Variants in GLI2 observed in about 807,000 individuals in gnomAD.
GLI2 encodes transcription activator GLI2.
A neutral mutation model predicts 78.9 loss-of-function variants in GLI2; 22 were observed. The observed-to-expected ratio is 0.28, with a 90% CI of 0.20 to 0.40. GLI2 has a LOEUF of 0.40. Among genes scored for constraint, GLI2 ranks in the 10% least tolerant of loss-of-function variants. The pLI is 1.00. For missense variants in GLI2, 2,097 were observed against 2,213.2 expected (o/e 0.95, Z 1.05); for synonymous variants, 974 against 963.7 (o/e 1.01, Z -0.20).
At chr2:120,882,394 G>A (rs1017089575) in intron 2 of GLI2, among the ~76,000 whole-genome samples, 9 of 152,234 alleles carry the variant, frequency 5.9e-5, no homozygotes, top group Non-Finnish European at 1.0e-4. Flanking sequence ...TGCCGGCTGC[G>A]GGATGTGATC....
chr2:120,874,515 C>T (rs1688632377), intron 2 of GLI2, among the ~76,000 whole-genome samples: 1 of 152,202 alleles, frequency 6.6e-6, no homozygotes, highest in Non-Finnish European at 1.5e-5. Flanking sequence ...TGGGGAAAGA[C>T]GGATGTGCCT....
At chr2:120,778,516 C>T (rs556004414) in intron 1 of GLI2, among the ~76,000 whole-genome samples, 11 of 152,136 alleles carry the variant, frequency 7.2e-5, no homozygotes, top group Non-Finnish European at 1.0e-4. Context: ...GGCGTGTGAA[C>T]GGTGAGGGCA....
At chr2:120,872,809 A>T (rs1688535096) in intron 2 of GLI2, among the ~76,000 whole-genome samples, 1 of 152,252 alleles carries the variant, frequency 6.6e-6, no homozygotes, top group African/African-American at 2.4e-5. Context: ...TCAGCATAGT[A>T]CTAGCCCATG....
chr2:120,895,048 C>T (rs1677877920), intron 2 of GLI2, among the ~76,000 whole-genome samples: 1 of 151,380 alleles, frequency 6.6e-6, no homozygotes, highest in Admixed American at 6.6e-5. Flanking sequence ...GAGGACCTGG[C>T]TGATGGGGAG....
At chr2:120,827,275 G>T (rs373518011) in intron 2 of GLI2, among the ~76,000 whole-genome samples, 1 of 152,216 alleles carries the variant, frequency 6.6e-6, no homozygotes, top group Admixed American at 6.5e-5. Flanking sequence ...TGAGCCCGGC[G>T]TCTCTAAGTA....
In GLI2 at chr2:120,988,802, G is replaced by A; in HGVS notation, c.2837G>A (p.Gly946Asp). The A allele has an allele frequency of 7.2e-7, 1 of 1,394,324 alleles. No homozygotes were observed. Among genetic ancestry groups the A allele is most frequent in the South Asian group, 1.4e-5 (1 of 71,218 alleles). 86.4% of individuals were successfully genotyped at this position (1,394,324 alleles called of 1,614,324 possible). ...CCCGCCTTCCCCCACGAGGCTCCAGGCGGCGGAGCCAGGCGGGCCAGCGAC... is the reference window on the plus strand; with the variant it reads ...CCCGCCTTCCCCCACGAGGCTCCAGACGGCGGAGCCAGGCGGGCCAGCGAC... ...AAPAFPHEAP[G>D]GGARRASDPV... The change falls in exon 14 of 14, where the codon GGC becomes GAC. Residue 946 changes from glycine to aspartate, a missense_variant. Transcript: ENST00000361492.
chr2:120,988,237 G>A lies in GLI2; in HGVS notation c.2272G>A (p.Gly758Arg), dbSNP rs369823940. The A allele has an allele frequency of 1.3e-6, 2 of 1,584,892 alleles. No individual in the cohort carries two copies. Among genetic ancestry groups the A allele is most frequent in the Non-Finnish European group, 1.7e-6 (2 of 1,169,256 alleles). ...CATCCTGGAAAACTTCAGTGGCAGT[G>A]GGGGCGGCGGGCCCGCGGGGCTGCT... ...GSILENFSGS[G>R]GGGPAGLLPN... The change falls in exon 14 of 14, where the codon GGG becomes AGG. Residue 758 changes from glycine to arginine, a missense_variant. Physicochemically the swap from Gly to Arg is moderately radical, Grantham distance 125. Coordinates refer to ENST00000361492, the MANE Select transcript of GLI2 (RefSeq NM_001374353.1).
chr2:120,931,513 A>T (rs1019171639), intron 3 of GLI2, among the ~76,000 whole-genome samples: 4 of 152,192 alleles, frequency 2.6e-5, no homozygotes, highest in Non-Finnish European at 4.4e-5. Context: ...TAGGGTGTGG[A>T]TGTTCTTGGG....
chr2:120,955,160 T>G, intron 4 of GLI2, 85 bp from the exon 5 acceptor site: 1 of 511,546 alleles, frequency 2.0e-6, no homozygotes, highest in African/African-American at 2.3e-5. Context: ...TGCCTTTTTT[T>G]TTTTTTTTTT....
intron 1 of GLI2, among the ~76,000 whole-genome samples, chr2:120,781,881 C>CAAA (rs61067431): frequency 0.038 from 5,033 of 131,718 alleles, 253 homozygotes; most frequent in African/African-American, 0.13. Flanking sequence ...GACTCCATCT[C>CAAA]AAAAAAAAAA....
Position 120,972,012 on chromosome 2 carries a change from C to T in GLI2, c.1131C>T (p.Val377=), listed in dbSNP as rs765862713. 2 of 1,613,620 alleles carry T rather than the reference C, an allele frequency of 1.2e-6. No homozygotes were observed. The highest frequency in any genetic ancestry group is 8.5e-7 in the Non-Finnish European group (1 of 1,179,970). Residue 377 remains valine (V), a synonymous_variant, in exon 8 of 14, where the codon GTC becomes GTT. Coordinates refer to ENST00000361492, the MANE Select transcript of GLI2 (RefSeq NM_001374353.1). Reference sequence around the variant, plus strand: ...TCGCCATTCACAAGCGCAGCAAGGTCAAGACCGAGCCTGAGGGCCTGCGGC... The same window carrying T: ...TCGCCATTCACAAGCGCAGCAAGGTTAAGACCGAGCCTGAGGGCCTGCGGC... The part of the protein sequence containing the change: ...NPVAIHKRSK[V]KTEPEGLRPA...
intron 2 of GLI2, among the ~76,000 whole-genome samples, chr2:120,896,727 A>T (rs1309431562): frequency 1.0e-5 from 1 of 99,404 alleles, no homozygotes; most frequent in Non-Finnish European, 2.0e-5. Flanking sequence ...ACACACACAC[A>T]CACACACACA....
At chr2:120,973,873 C>T (rs1682318243) in intron 8 of GLI2, among the ~76,000 whole-genome samples, 2 of 152,220 alleles carry the variant, frequency 1.3e-5, no homozygotes, top group East Asian at 1.9e-4. Context: ...GACAGCAGGG[C>T]GTCCTGAGGC....
Position 120,990,324 on chromosome 2 carries a change from G to A in GLI2, c.4359G>A (p.Arg1453=). The stretch of plus-strand genomic sequence containing the variant: ...ACCTCGGGAGCTGCCAGGTCATGCG[G>A]TCCCAGCCACCACAGCCACAGGCCT... ...LENLGSCQVM[R]SQPPQPQACQ... Residue 1453 remains arginine (R), a synonymous_variant, in exon 14 of 14, where the codon CGG becomes CGA. Coordinates refer to ENST00000361492, the MANE Select transcript of GLI2 (RefSeq NM_001374353.1). The A allele has an allele frequency of 6.2e-7, 1 of 1,613,792 alleles. No homozygotes were observed. Among genetic ancestry groups the A allele is most frequent in the Non-Finnish European group, 8.5e-7 (1 of 1,180,020 alleles).
chr2:120,884,147 G>A (rs1227870132), intron 2 of GLI2, among the ~76,000 whole-genome samples: 2 of 152,196 alleles, frequency 1.3e-5, no homozygotes, highest in African/African-American at 2.4e-5. Flanking sequence ...ACTTTGCCAG[G>A]CCACACCATG....
intron 2 of GLI2, among the ~76,000 whole-genome samples, chr2:120,892,013 T>C (rs1677707154): frequency 7.0e-6 from 1 of 142,970 alleles, no homozygotes; most frequent in Non-Finnish European, 1.5e-5. Flanking sequence ...GACCTCCTGC[T>C]TGGCTCTGCG....
chr2:120,964,861 C>T (rs1426721225), intron 5 of GLI2, among the ~76,000 whole-genome samples: 6 of 152,260 alleles, frequency 3.9e-5, no homozygotes, highest in Non-Finnish European at 8.8e-5. Flanking sequence ...ACAGAGAAGA[C>T]ACAGAGTCAT....
intron 3 of GLI2, among the ~76,000 whole-genome samples, chr2:120,943,066 G>A (rs923266606): frequency 1.1e-4 from 16 of 152,196 alleles, no homozygotes; most frequent in East Asian, 1.9e-4. Flanking sequence ...CAGGGCCAGC[G>A]TATGAACAGA....
At chr2:120,748,584 C>A (rs114676373) in intron 1 of GLI2, among the ~76,000 whole-genome samples, 1,730 of 152,242 alleles carry the variant, frequency 0.011, 35 homozygotes, top group African/African-American at 0.037. Context: ...CCGGATGACT[C>A]CTCTGCCTAT....
Sources: allele counts gnomAD v4.1 joint callset (sites outside exome capture counted in the v4.1 genomes callset), GRCh38; gene constraint gnomAD v4.1.1; transcripts MANE v1.5; gene names NCBI Gene and HGNC (gene_info 2026-07-23, HGNC 2026-07-21).